The following ROCK2 variants were observed in gnomAD, a reference collection of about 807,000 sequenced individuals.
ROCK2 encodes the protein rho-associated protein kinase 2.
A neutral mutation model predicts 195.1 loss-of-function variants in ROCK2; 61 were observed. The ratio of observed to expected loss-of-function variants is 0.31; its 90% confidence interval spans 0.25 to 0.39. The LOEUF (loss-of-function observed/expected upper bound fraction) is 0.39. ROCK2 is among the 10% of genes least tolerant of loss of function. ROCK2 has a pLI of 1.00. For missense variants in ROCK2, 1,109 were observed against 1,637.4 expected, an observed-to-expected ratio of 0.68 and a Z score of 5.57; for synonymous variants, 504 against 545.5, an observed-to-expected ratio of 0.92 and a Z score of 1.06.
At chr2:11,328,909 G>T in intron 1 of ROCK2, among the ~76,000 whole-genome samples, 1 of 140,236 alleles carries the variant, frequency 7.1e-6, no homozygotes. Flanking sequence ...ACACTCTGGG[G>T]ACTGTTGTGG....
In ROCK2 at chr2:11,214,937, C is replaced by T. The variant is rs542750152; in HGVS notation, c.1839G>A (p.Lys613=). The T allele has an allele frequency of 4.3e-5, 70 of 1,614,082 alleles. No homozygotes were observed. The East Asian group carries it at 1.4e-3, about 32-fold the overall frequency. ...TGATAAATTCCTTTTCAAGTTTTAA[C>T]TTGGCAGTCTCCAGCAGGCAGTTTT... ...QDKNCLLETA[K]LKLEKEFINL... Residue 613 remains lysine (K), a synonymous_variant, in exon 16 of 33, where the codon AAG becomes AAA. Transcript: ENST00000315872.
At chr2:11,212,707 G>A (rs1408560807) in intron 17 of ROCK2, among the ~76,000 whole-genome samples, 1 of 151,412 alleles carries the variant, frequency 6.6e-6, no homozygotes, top group African/African-American at 2.4e-5. Flanking sequence ...TACAAAAAAT[G>A]ATTTCTCAAA....
intron 30 of ROCK2, among the ~76,000 whole-genome samples, chr2:11,193,477 A>G (rs1212902163): frequency 1.3e-5 from 2 of 152,182 alleles, no homozygotes; most frequent in East Asian, 1.9e-4. Flanking sequence ...GGAAAAATTC[A>G]TGTTTAAAAA....
At chr2:11,274,078 A>G (rs772269234) in intron 3 of ROCK2, among the ~76,000 whole-genome samples, 13 of 152,118 alleles carry the variant, frequency 8.5e-5, no homozygotes, top group Non-Finnish European at 1.6e-4. Context: ...AAAACAACAC[A>G]ACAAAAAACT....
Position 11,218,468 on chromosome 2 carries a change from T to A in ROCK2, c.1321-2A>T. On this transcript the variant is annotated splice_acceptor_variant, in intron 10 of 32. Transcript: ENST00000315872. LOFTEE classifies it high-confidence loss of function. Reference sequence around the variant, plus strand: ...ACATCAACATACCTCTTGACTTTCCTATTTAAAACAAAACAGAAAACACAT... The same window carrying A: ...ACATCAACATACCTCTTGACTTTCCAATTTAAAACAAAACAGAAAACACAT... 6.5e-7 allele frequency: 1 copy of A among 1,544,202 alleles called. No individual in the cohort carries two copies. Among genetic ancestry groups the A allele is most frequent in the Non-Finnish European group, 8.8e-7 (1 of 1,137,272 alleles).
At chr2:11,208,511 TAAGTAA>T in intron 18 of ROCK2, 64 bp from the exon 19 acceptor site, 1 of 963,136 alleles carries the variant, frequency 1.0e-6, no homozygotes, top group African/African-American at 1.7e-5. Context: ...CATAAATTTG[TAAGTAA>T]AAGCACATTA....
Position 11,243,680 on chromosome 2 carries a change from T to A in ROCK2, c.462+5981A>T, listed in dbSNP as rs79886492. Among the ~76,000 whole-genome samples, 934 of 152,138 alleles carry A rather than the reference T, an allele frequency of 6.1e-3. 11 individuals carry two copies. Among genetic ancestry groups the A allele is most frequent in the African/African-American group, 0.022 (903 of 41,516 alleles). ...ATAATTCATGTACTCCTCCAAACTG[T>A]CAAGGTCATCAAAAACAAGGAAAGT... On this transcript the variant is annotated intron_variant, in intron 4 of 32. Coordinates refer to ENST00000315872, the MANE Select transcript of ROCK2 (RefSeq NM_004850.5).
chr2:11,303,163 T>C (rs949837414), intron 1 of ROCK2, among the ~76,000 whole-genome samples: 18 of 152,366 alleles, frequency 1.2e-4, no homozygotes, highest in South Asian at 6.2e-4. Flanking sequence ...ATAAAACTTA[T>C]TTCTGTGAAA....
intron 3 of ROCK2, among the ~76,000 whole-genome samples, chr2:11,275,257 CA>C (rs71393869): frequency 0.013 from 1,441 of 110,530 alleles, 15 homozygotes; most frequent in African/African-American, 0.041. Flanking sequence ...GACTTCATGT[CA>C]AAAAAAAAAA....
At chr2:11,245,148 TAATTTATATTCCTTATACATTAGCAATGA>T (rs1409812153) in intron 4 of ROCK2, among the ~76,000 whole-genome samples, 2 of 151,642 alleles carry the variant, frequency 1.3e-5, no homozygotes, top group Admixed American at 6.6e-5. Flanking sequence ...ATTTGCTTAC[TAATTTATATTCCTTATACATTAGCAATGA>T]AATTTATATT....
At chr2:11,335,764 T>G (rs1668909129) in intron 1 of ROCK2, among the ~76,000 whole-genome samples, 1 of 152,198 alleles carries the variant, frequency 6.6e-6, no homozygotes, top group South Asian at 2.1e-4. Flanking sequence ...AACTCCTACT[T>G]CATACTTTCC....
intron 1 of ROCK2, among the ~76,000 whole-genome samples, chr2:11,311,946 G>T (rs1668049257): frequency 6.6e-6 from 1 of 152,106 alleles, no homozygotes; most frequent in African/African-American, 2.4e-5. Flanking sequence ...CTACAAATAT[G>T]TACAATGATG....
chr2:11,270,859 A>G (rs1666602269), intron 3 of ROCK2, among the ~76,000 whole-genome samples: 1 of 152,144 alleles, frequency 6.6e-6, no homozygotes, highest in Non-Finnish European at 1.5e-5. Context: ...GTCTCTTCAA[A>G]ATCTTTTTTC....
At chr2:11,243,309 G>A (rs1316284074) in intron 4 of ROCK2, among the ~76,000 whole-genome samples, 3 of 152,248 alleles carry the variant, frequency 2.0e-5, no homozygotes, top group Non-Finnish European at 4.4e-5. Flanking sequence ...CCAAATGTAA[G>A]CGCAATGGAA....
intron 4 of ROCK2, among the ~76,000 whole-genome samples, chr2:11,242,305 T>C (rs1665455240): frequency 1.3e-5 from 2 of 152,084 alleles, no homozygotes; most frequent in Non-Finnish European, 2.9e-5. Context: ...CCATAAAAGT[T>C]TGATTAAACT....
intron 1 of ROCK2, among the ~76,000 whole-genome samples, chr2:11,291,006 G>T (rs147714607): frequency 6.6e-6 from 1 of 152,148 alleles, no homozygotes; most frequent in Middle Eastern, 3.2e-3. Context: ...AACTTAGGTT[G>T]TCTATATGCA....
In ROCK2 at chr2:11,240,324, C is replaced by T. The variant is rs141191152; in HGVS notation, c.463-4362G>A. On this transcript the variant is annotated intron_variant, in intron 4 of 32. Coordinates refer to ENST00000315872, the MANE Select transcript of ROCK2 (RefSeq NM_004850.5). ...CCTCACTGGTGTAACAAAGACACTC[C>T]TATCACTCAGGAAATTCCAGGGCTT... Among the ~76,000 whole-genome samples the T allele has an allele frequency of 4.3e-3, 651 of 152,308 alleles. 5 individuals are homozygous for T. Among genetic ancestry groups the T allele is most frequent in the Middle Eastern group, 0.02 (6 of 294 alleles).
intron 32 of ROCK2, among the ~76,000 whole-genome samples, chr2:11,185,492 G>A (rs908356325): frequency 6.6e-6 from 1 of 152,198 alleles, no homozygotes; most frequent in African/African-American, 2.4e-5. Context: ...ACTTTGGGAG[G>A]CTGAGGCGGG....
Position 11,194,393 on chromosome 2 carries a change from CTTAT to C in ROCK2, c.3520-53_3520-50del, listed in dbSNP as rs1302238130. 18 of 687,622 alleles carry C rather than the reference CTTAT, an allele frequency of 2.6e-5. No individual in the cohort carries two copies. The Middle Eastern group carries it at 1.6e-3, about 62-fold the overall frequency. The allele number at this position is 687,622 out of a possible 1,614,324, so 42.6% of individuals were successfully genotyped here. A position where few individuals can be genotyped will look rare whatever the true frequency, so the allele number is the denominator to read the frequency against. On this transcript the variant is annotated intron_variant, in intron 28 of 32. Coordinates refer to ENST00000315872, the MANE Select transcript of ROCK2 (RefSeq NM_004850.5). ...ATCAGTAATTCAAGTTTTTATATAC[CTTAT>C]TTATTGATTTTTTTGAAAATAAATT...
Sources: allele counts gnomAD v4.1 joint callset (sites outside exome capture counted in the v4.1 genomes callset), GRCh38; gene constraint gnomAD v4.1.1; transcripts MANE v1.5; gene names NCBI Gene and HGNC (gene_info 2026-07-23, HGNC 2026-07-21).